The following KCND2 variants were observed in gnomAD, a reference collection of about 807,000 sequenced individuals.
KCND2 encodes A-type voltage-gated potassium channel KCND2.
KCND2 carries 16 observed loss-of-function variants against 54.4 expected under a neutral mutation model. The ratio of observed to expected loss-of-function variants is 0.29; its 90% CI spans 0.20 to 0.45. The LOEUF (loss-of-function observed/expected upper bound fraction) is 0.45, where lower values mean the gene tolerates loss of function less well. KCND2 is among the 20% of genes least tolerant of loss of function. The pLI, the probability that KCND2 is intolerant of heterozygous loss-of-function variation, is 1.00. For missense variants in KCND2, 486 were observed against 824.2 expected (o/e 0.59, Z 5.02); for synonymous variants, 317 against 310.7 (o/e 1.02, Z -0.21).
intron 1 of KCND2, among the ~76,000 whole-genome samples, chr7:120,326,064 G>A (rs1225240491): frequency 6.6e-6 from 1 of 152,002 alleles, no homozygotes; most frequent in African/African-American, 2.4e-5. Context: ...AAAGTATTTT[G>A]GGGATCATTT....
intron 1 of KCND2, among the ~76,000 whole-genome samples, chr7:120,506,066 A>G (rs1803012313): frequency 6.6e-6 from 1 of 151,774 alleles, no homozygotes; most frequent in African/African-American, 2.4e-5. Flanking sequence ...CATTTAAGGA[A>G]AAAACACAAT....
intron 1 of KCND2, among the ~76,000 whole-genome samples, chr7:120,339,244 G>A (rs943766082): frequency 6.6e-6 from 1 of 151,500 alleles, no homozygotes; most frequent in African/African-American, 2.4e-5. Context: ...ATATAACATT[G>A]GCTTTCAATT....
intron 1 of KCND2, among the ~76,000 whole-genome samples, chr7:120,581,900 G>T (rs977356831): frequency 2.0e-5 from 3 of 151,996 alleles, no homozygotes; most frequent in African/African-American, 7.3e-5. Context: ...TTTTAATAGA[G>T]ACAGGGTTTC....
intron 1 of KCND2, among the ~76,000 whole-genome samples, chr7:120,436,156 A>C (rs937814416): frequency 4.6e-5 from 7 of 152,214 alleles, no homozygotes; most frequent in African/African-American, 1.7e-4. Context: ...TGTATATTTT[A>C]AAAATATATT....
rs139779166 is a variant in KCND2, at chr7:120,601,638, A to G, written c.1116-131265A>G. Among the ~76,000 whole-genome samples the G allele has an allele frequency of 3.9e-5, 6 of 152,286 alleles. No homozygotes were observed. In the East Asian group the frequency reaches 1.2e-3, roughly 29 times the overall value. ...GTGGCAGCTAAAGAAGTCTAACTCT[A>G]TGTTATGTTGCATATTTTACAACAT... is the stretch of plus-strand genomic sequence containing the variant. On this transcript the variant is annotated intron_variant, in intron 1 of 5. Transcript: ENST00000331113.
chr7:120,575,706 C>T (rs1484209423), intron 1 of KCND2, among the ~76,000 whole-genome samples: 3 of 152,138 alleles, frequency 2.0e-5, no homozygotes, highest in African/African-American at 4.8e-5. Context: ...AAGTAGCTTA[C>T]TTAAGTTTTG....
At chr7:120,399,701 CTTATTTAT>C (rs140548387) in intron 1 of KCND2, among the ~76,000 whole-genome samples, 10,729 of 148,338 alleles carry the variant, frequency 0.072, 651 homozygotes, top group African/African-American at 0.16. Flanking sequence ...TTATTTTTAC[CTTATTTAT>C]TTATTTATTT....
intron 1 of KCND2, among the ~76,000 whole-genome samples, chr7:120,453,460 G>A (rs535691474): frequency 1.3e-5 from 2 of 152,252 alleles, no homozygotes; most frequent in Admixed American, 6.5e-5. Flanking sequence ...AGGAATGCTG[G>A]TGACCCCACC....
In KCND2 at chr7:120,589,354, C is replaced by T. The variant is rs185378828; in HGVS notation, c.1116-143549C>T. ...GGCCTAAAATTTAATTTTTACCATT[C>T]TTACAAAAAATACACATTTAATAGA... On this transcript the variant is annotated intron_variant, in intron 1 of 5. Coordinates refer to ENST00000331113, the MANE Select transcript of KCND2 (RefSeq NM_012281.3). 2.0e-5 allele frequency among the ~76,000 whole-genome samples: 3 copies of T among 152,198 alleles called. No individual in the cohort carries two copies. The East Asian group carries it at 5.8e-4, about 29-fold the overall frequency.
intron 1 of KCND2, among the ~76,000 whole-genome samples, chr7:120,385,908 A>C (rs1377070509): frequency 1.3e-5 from 2 of 152,090 alleles, no homozygotes; most frequent in African/African-American, 4.8e-5. Flanking sequence ...AGTTATTTTC[A>C]GGCTCAACTG....
intron 1 of KCND2, among the ~76,000 whole-genome samples, chr7:120,349,357 C>T (rs1028719098): frequency 2.0e-5 from 3 of 151,376 alleles, no homozygotes; most frequent in African/African-American, 4.8e-5. Context: ...CACAGACACA[C>T]GAGGATGCTT....
rs3993713 is a variant in KCND2 at position 120,588,402 on chromosome 7, A to AGTGTGTGTGTGT, written c.1116-144472_1116-144461dup. Among the ~76,000 whole-genome samples, 911 of 141,392 alleles carry AGTGTGTGTGTGT rather than the reference A, an allele frequency of 6.4e-3. 5 individuals carry two copies. Among genetic ancestry groups the AGTGTGTGTGTGT allele is most frequent in the Middle Eastern group, 0.011 (3 of 282 alleles). The allele number at this position is 141,392 out of a possible 152,430, so 92.8% of individuals were successfully genotyped here. A position where few individuals can be genotyped will look rare whatever the true frequency, so the allele number is the denominator to read the frequency against. On this transcript the variant is annotated intron_variant, in intron 1 of 5. Transcript: ENST00000331113. ...GAATAATAGAGGGAGGCAACTGTGCAGTGTGTGTGTGTGTGTGTGTGTGTG... is the reference window on the plus strand; with the variant it reads ...GAATAATAGAGGGAGGCAACTGTGCAGTGTGTGTGTGTGTGTGTGTGTGTGTGTGTGTGTGTG...
chr7:120,488,877 A>G (rs1351214863), intron 1 of KCND2, among the ~76,000 whole-genome samples: 1 of 152,076 alleles, frequency 6.6e-6, no homozygotes, highest in Non-Finnish European at 1.5e-5. Context: ...ACTACATTAT[A>G]TTGTCTAGAC....
At position 120,748,168 on chromosome 7, in the gene KCND2, G is replaced by A. The variant is rs181391406; in HGVS notation, c.*310G>A. On this transcript the variant is annotated 3_prime_UTR_variant, in exon 6 of 6. Coordinates refer to ENST00000331113, the MANE Select transcript of KCND2 (RefSeq NM_012281.3). Reference sequence around the variant, plus strand: ...TTTAATAAAATAAATAACATAAATCGTTGAACATAATGTTCCAGTTGAATG... The same window carrying A: ...TTTAATAAAATAAATAACATAAATCATTGAACATAATGTTCCAGTTGAATG... 160 of 192,110 alleles carry A rather than the reference G, an allele frequency of 8.3e-4. No individual in the cohort carries two copies. Among genetic ancestry groups the A allele is most frequent in the African/African-American group, 3.3e-3 (140 of 42,564 alleles). The allele number at this position is 192,110 out of a possible 1,614,324, so 11.9% of individuals were successfully genotyped here.
At chr7:120,584,612 A>G (rs891847287) in intron 1 of KCND2, among the ~76,000 whole-genome samples, 5 of 152,240 alleles carry the variant, frequency 3.3e-5, no homozygotes, top group African/African-American at 1.2e-4. Flanking sequence ...CATGTCAGAA[A>G]GATTCCTCGA....
chr7:120,366,262 A>G (rs904468449), intron 1 of KCND2, among the ~76,000 whole-genome samples: 5 of 152,132 alleles, frequency 3.3e-5, no homozygotes, highest in Non-Finnish European at 5.9e-5. Context: ...AGGCAGACAT[A>G]TCACTTGAGG....
chr7:120,640,561 TTA>T (rs1793358458), intron 1 of KCND2, among the ~76,000 whole-genome samples: 1 of 152,150 alleles, frequency 6.6e-6, no homozygotes, highest in Non-Finnish European at 1.5e-5. Flanking sequence ...AGGAATAATT[TTA>T]TGTTAGTCAT....
chr7:120,560,783 C>T (rs931383085), intron 1 of KCND2, among the ~76,000 whole-genome samples: 3 of 152,122 alleles, frequency 2.0e-5, no homozygotes, highest in Non-Finnish European at 4.4e-5. Context: ...ACATTTTAAG[C>T]ACTGAGTAAT....
intron 1 of KCND2, among the ~76,000 whole-genome samples, chr7:120,722,398 A>G (rs1457440706): frequency 6.6e-6 from 1 of 152,174 alleles, no homozygotes; most frequent in Non-Finnish European, 1.5e-5. Flanking sequence ...GCCAGGAGGG[A>G]TACAACTTGT....
Sources: gnomAD v4.1 joint callset for allele counts (sites outside exome capture counted in the v4.1 genomes callset) on GRCh38, gnomAD v4.1.1 for gene constraint, MANE v1.5 for transcripts, NCBI Gene and HGNC (gene_info 2026-07-23, HGNC 2026-07-21) for gene names.